APP: variants seen among roughly 807,000 people sequenced by gnomAD.
APP encodes the protein amyloid-beta precursor protein.
In APP, 31 loss-of-function variants were observed where a neutral mutation model predicts 101.4. The observed-to-expected ratio is 0.31, with a 90% confidence interval of 0.23 to 0.41. APP has a LOEUF of 0.41. Among genes scored for constraint, APP ranks in the 10% least tolerant of loss-of-function variants. The probability of loss-of-function intolerance (pLI) is 1.00; values close to 1 mark genes in which losing one functional copy is unlikely to be tolerated. For missense variants in APP, 839 were observed against 1,003.7 expected, an observed-to-expected ratio of 0.84 and a Z score of 2.22; for synonymous variants, 366 against 364.4, an observed-to-expected ratio of 1.00 and a Z score of -0.05.
rs559054720 is a variant in APP at position 26,007,344 on chromosome 21, C to T, written c.866-7162G>A. Among the ~76,000 whole-genome samples the T allele has an allele frequency of 6.8e-5, 10 of 146,444 alleles. No homozygotes were observed. The East Asian group carries it at 1.2e-3, about 17-fold the overall frequency. ...ACAAAACTTCAATATTTCAAATAAA[C>T]GTTATAATTTATAAATATAATTATA... is the stretch of plus-strand genomic sequence containing the variant. On this transcript the variant is annotated intron_variant, in intron 6 of 17. Transcript: ENST00000346798.
intron 16 of APP, among the ~76,000 whole-genome samples, chr21:25,893,165 A>T (rs1474056080): frequency 2.0e-5 from 3 of 152,160 alleles, no homozygotes; most frequent in African/African-American, 7.2e-5. Flanking sequence ...GTCATGAAAC[A>T]TGCCCATAAA....
At chr21:26,125,566 A>G (rs908048407) in intron 1 of APP, among the ~76,000 whole-genome samples, 1 of 152,012 alleles carries the variant, frequency 6.6e-6, no homozygotes, top group Non-Finnish European at 1.5e-5. Flanking sequence ...TTCAAGGATG[A>G]GCACATTCGG....
At chr21:25,983,305 T>C (rs45553534) in intron 8 of APP, among the ~76,000 whole-genome samples, 219 of 152,304 alleles carry the variant, frequency 1.4e-3, no homozygotes, top group African/African-American at 5.1e-3. Context: ...GAATTTTGAC[T>C]TAAGAGGAAG....
At chr21:25,946,113 T>G in intron 13 of APP, 1 of 293,634 alleles carries the variant, frequency 3.4e-6, no homozygotes, top group Non-Finnish European at 6.8e-6. Context: ...GAGCTAAAAC[T>G]ACAAAACTCT....
At chr21:26,143,382 T>C (rs1015257111) in intron 1 of APP, among the ~76,000 whole-genome samples, 3 of 152,236 alleles carry the variant, frequency 2.0e-5, no homozygotes, top group Non-Finnish European at 2.9e-5. Context: ...GAGCTACAGA[T>C]AGGTGTCCTG....
intron 7 of APP, among the ~76,000 whole-genome samples, chr21:25,998,200 A>T (rs1338430771): frequency 3.3e-5 from 5 of 152,152 alleles, no homozygotes; most frequent in Non-Finnish European, 7.4e-5. Context: ...AAAAGTTGCA[A>T]ATCTGCCAGG....
At chr21:26,159,253 G>T (rs534240560) in intron 1 of APP, among the ~76,000 whole-genome samples, 1 of 152,062 alleles carries the variant, frequency 6.6e-6, no homozygotes, top group African/African-American at 2.4e-5. Context: ...TTAATTTGTT[G>T]TATTTTTAGT....
intron 2 of APP, among the ~76,000 whole-genome samples, chr21:26,093,765 CTCTCTA>C (rs1382681732): frequency 6.6e-6 from 1 of 152,186 alleles, no homozygotes; most frequent in Admixed American, 6.5e-5. Flanking sequence ...TTCAGCTTCT[CTCTCTA>C]TAACACCAAC....
At chr21:25,895,068 G>A (rs1004403059) in intron 16 of APP, among the ~76,000 whole-genome samples, 2 of 149,518 alleles carry the variant, frequency 1.3e-5, no homozygotes, top group Admixed American at 6.7e-5. Flanking sequence ...AGCATTTTTA[G>A]TAATAAAATA....
At chr21:26,072,841 A>AT (rs1302150411) in intron 3 of APP, among the ~76,000 whole-genome samples, 2 of 152,318 alleles carry the variant, frequency 1.3e-5, no homozygotes, top group African/African-American at 4.8e-5. Flanking sequence ...CCTGAAACAG[A>AT]TTTTTATCCC....
At chr21:25,984,327 C>A (rs978546909) in intron 8 of APP, among the ~76,000 whole-genome samples, 6 of 151,320 alleles carry the variant, frequency 4.0e-5, no homozygotes, top group Non-Finnish European at 7.4e-5. Context: ...TAAAATAGAA[C>A]CACTGAAAAT....
intron 5 of APP, among the ~76,000 whole-genome samples, chr21:26,025,071 C>A (rs1268247877): frequency 6.6e-6 from 1 of 152,288 alleles, no homozygotes; most frequent in East Asian, 1.9e-4. Context: ...ATGTTGGAAG[C>A]CTTTATCTCC....
intron 3 of APP, among the ~76,000 whole-genome samples, chr21:26,065,459 A>T (rs1226047702): frequency 1.3e-5 from 2 of 152,222 alleles, no homozygotes; most frequent in African/African-American, 4.8e-5. Flanking sequence ...TGTGGCATTT[A>T]AATTTTTTAA....
chr21:25,975,216 T>C lies in APP; in HGVS notation c.1312A>G (p.Lys438Glu), dbSNP rs556451971. 1 of 1,613,990 alleles carries C rather than the reference T, an allele frequency of 6.2e-7. No homozygotes were observed. The highest frequency in any genetic ancestry group is 1.3e-5 in the African/African-American group (1 of 74,988). ...GCTTCCTGTTCCAAAGATTCCACTT[T>C]CTCCTGGAAATGCTGCCATCATAAA... ...KKAVIQHFQE[K>E]VESLEQEAAN... Residue 438 changes from lysine to glutamate, a missense_variant, in exon 11 of 18, where the codon AAA (lysine) becomes GAA (glutamate). Coordinates refer to ENST00000346798, the MANE Select transcript of APP (RefSeq NM_000484.4).
At chr21:26,020,933 A>ATAGTAT (rs2044307652) in intron 6 of APP, among the ~76,000 whole-genome samples, 3 of 152,172 alleles carry the variant, frequency 2.0e-5, no homozygotes, top group Admixed American at 2.0e-4. Context: ...CATTAATACT[A>ATAGTAT]TATTTACTTC....
At chr21:25,974,477 G>T (rs45455298) in intron 11 of APP, among the ~76,000 whole-genome samples, 24,259 of 152,056 alleles carry the variant, frequency 0.16, 2,184 homozygotes, top group South Asian at 0.32. Context: ...AGAGGGCCCA[G>T]AGAGCTCTCT....
chr21:26,143,370 T>C (rs1042226553), intron 1 of APP, among the ~76,000 whole-genome samples: 2 of 152,244 alleles, frequency 1.3e-5, no homozygotes, highest in African/African-American at 4.8e-5. Context: ...GGCTTTACCA[T>C]AGAGCTACAG....
intron 1 of APP, among the ~76,000 whole-genome samples, chr21:26,136,334 G>A (rs1466223605): frequency 1.3e-5 from 2 of 151,928 alleles, no homozygotes; most frequent in Admixed American, 6.6e-5. Flanking sequence ...TACAGCCACC[G>A]AGCAATCATA....
At position 25,891,971 on chromosome 21, in the gene APP, A is replaced by G. The variant is rs1191031384; in HGVS notation, c.2065-103T>C. On this transcript the variant is annotated intron_variant, in intron 16 of 17. Transcript: ENST00000346798. ...ATTTCATTTCTTAAATGCAGGGGACATTTGGATGAGGTTATATAAAAAGTT... is the reference window on the plus strand; with the variant it reads ...ATTTCATTTCTTAAATGCAGGGGACGTTTGGATGAGGTTATATAAAAAGTT... The G allele has an allele frequency of 4.9e-6, 6 of 1,224,894 alleles. No individual in the cohort carries two copies. In the East Asian group the frequency reaches 1.5e-4, roughly 31 times the overall value. 75.9% of individuals were successfully genotyped at this position (1,224,894 alleles called of 1,614,324 possible). A position where few individuals can be genotyped will look rare whatever the true frequency, so the allele number is the denominator to read the frequency against.
Sources: gnomAD v4.1 joint callset for allele counts (sites outside exome capture counted in the v4.1 genomes callset) on GRCh38, gnomAD v4.1.1 for gene constraint, MANE v1.5 for transcripts, NCBI Gene and HGNC (gene_info 2026-07-23, HGNC 2026-07-21) for gene names.